The following PTPRN2 variants were observed in gnomAD, a reference collection of about 807,000 sequenced individuals.
PTPRN2 encodes protein tyrosine phosphatase receptor type N2.
Under a neutral mutation model 118.8 loss-of-function variants are expected in PTPRN2, and 74 were observed. That is an observed-to-expected ratio of 0.62 (90% confidence interval 0.52 to 0.76). The LOEUF is 0.76. PTPRN2 is among the 30% of genes least tolerant of loss of function. The pLI is 0.00. For missense variants in PTPRN2, 1,481 were observed against 1,394.4 expected (o/e 1.06, Z -0.99); for synonymous variants, 641 against 608.0 (o/e 1.05, Z -0.80).
chr7:158,250,670 GT>G (rs1204592913), intron 3 of PTPRN2, among the ~76,000 whole-genome samples: 2 of 152,254 alleles, frequency 1.3e-5, no homozygotes, highest in East Asian at 3.9e-4. Context: ...CCCCCGAATT[GT>G]TGTGGTTTCT....
chr7:158,489,524 G>T (rs1221269964), intron 2 of PTPRN2, among the ~76,000 whole-genome samples: 1 of 152,218 alleles, frequency 6.6e-6, no homozygotes, highest in Non-Finnish European at 1.5e-5. Context: ...GGGTTGGTGC[G>T]AGCGATGGGC....
chr7:157,659,180 T>C (rs1006049257), intron 13 of PTPRN2, among the ~76,000 whole-genome samples: 3 of 151,110 alleles, frequency 2.0e-5, no homozygotes. Context: ...TTCGGACTCA[T>C]AGCGAGATAC....
intron 11 of PTPRN2, among the ~76,000 whole-genome samples, chr7:157,959,518 A>G (rs1304938201): frequency 6.6e-6 from 1 of 152,240 alleles, no homozygotes; most frequent in African/African-American, 2.4e-5. Flanking sequence ...CCCAACAACA[A>G]AGAAGCAAGG....
intron 5 of PTPRN2, among the ~76,000 whole-genome samples, chr7:158,172,964 C>G (rs1402977781): frequency 1.3e-5 from 2 of 150,212 alleles, no homozygotes; most frequent in African/African-American, 4.9e-5. Context: ...AGCATCCCCA[C>G]CATCATCATC....
intron 11 of PTPRN2, among the ~76,000 whole-genome samples, chr7:157,984,791 G>A (rs941903948): frequency 1.3e-5 from 2 of 152,174 alleles, no homozygotes; most frequent in East Asian, 1.9e-4. Flanking sequence ...AAGACCTGCA[G>A]AAGCTCCCTA....
intron 12 of PTPRN2, among the ~76,000 whole-genome samples, chr7:157,829,067 C>A (rs1277486780): frequency 6.6e-6 from 1 of 152,276 alleles, no homozygotes; most frequent in Non-Finnish European, 1.5e-5. Flanking sequence ...GACACGTCTG[C>A]GATGCCAGCG....
chr7:157,645,925 G>A (rs1006253589), intron 14 of PTPRN2, among the ~76,000 whole-genome samples: 11 of 152,228 alleles, frequency 7.2e-5, no homozygotes, highest in African/African-American at 2.7e-4. Context: ...AGAAAACCAC[G>A]AGTTTAGAGC....
At chr7:157,896,096 G>A (rs1352412375) in intron 12 of PTPRN2, among the ~76,000 whole-genome samples, 3 of 151,410 alleles carry the variant, frequency 2.0e-5, no homozygotes, top group East Asian at 1.9e-4. Flanking sequence ...GAGGAGCTGG[G>A]AAGATGAAAC....
intron 3 of PTPRN2, among the ~76,000 whole-genome samples, chr7:158,223,752 C>T (rs2150800683): frequency 6.6e-6 from 1 of 152,070 alleles, no homozygotes; most frequent in East Asian, 1.9e-4. Flanking sequence ...AGACTAGGAA[C>T]AAAGCAAGGA....
rs1238160788 is a variant in PTPRN2, at chr7:157,874,858, GAC to G, written c.1788+23813_1788+23814del. On this transcript the variant is annotated intron_variant, in intron 12 of 22. Coordinates refer to ENST00000389418, the MANE Select transcript of PTPRN2 (RefSeq NM_002847.5). The surrounding 1 kb of genome is among the most constrained non-coding windows in gnomAD (Gnocchi z 5.8). ...ACACTCATGCACATATACACACGGAGACACACTCGTGCACATACACACACGGA... is the reference window on the plus strand; with the variant it reads ...ACACTCATGCACATATACACACGGAGACACTCGTGCACATACACACACGGA... Among the ~76,000 whole-genome samples the G allele has an allele frequency of 2.0e-5, 3 of 150,692 alleles. No homozygotes were observed. The highest frequency in any genetic ancestry group is 1.3e-4 in the Admixed American group (2 of 15,120).
intron 2 of PTPRN2, among the ~76,000 whole-genome samples, chr7:158,357,606 T>C (rs1467383912): frequency 6.6e-6 from 1 of 152,172 alleles, no homozygotes; most frequent in Non-Finnish European, 1.5e-5. Context: ...CAGCTGCGGG[T>C]GCTAAGAAAA....
intron 12 of PTPRN2, chr7:157,865,678 T>C (rs1009287015): frequency 6.6e-6 from 1 of 152,164 alleles, no homozygotes; most frequent in East Asian, 1.9e-4. Flanking sequence ...CACACAGCCT[T>C]ATCTGTGTTT....
At chr7:158,234,271 C>CA (rs146167117) in intron 3 of PTPRN2, among the ~76,000 whole-genome samples, 9,020 of 134,478 alleles carry the variant, frequency 0.067, 324 homozygotes, top group East Asian at 0.14. Context: ...CACTCAACAG[C>CA]AAAAAAAAAA....
chr7:158,055,446 G>T (rs371438643), intron 11 of PTPRN2, among the ~76,000 whole-genome samples: 1 of 152,158 alleles, frequency 6.6e-6, no homozygotes. Flanking sequence ...GGAGTTTAGA[G>T]AAGACTCCAC....
chr7:157,984,787 T>C (rs1803642479), intron 11 of PTPRN2, among the ~76,000 whole-genome samples: 1 of 152,158 alleles, frequency 6.6e-6, no homozygotes. Flanking sequence ...TCTAAAGACC[T>C]GCAGAAGCTC....
In PTPRN2 at chr7:157,629,186, A is replaced by G. The variant is rs1803786575; in HGVS notation, c.2197-7677T>C. Among the ~76,000 whole-genome samples, 1 of 152,110 alleles carries G rather than the reference A, an allele frequency of 6.6e-6. No homozygotes were observed. Among genetic ancestry groups the G allele is most frequent in the Non-Finnish European group, 1.5e-5 (1 of 68,010 alleles). On this transcript the variant is annotated intron_variant, in intron 14 of 22. Coordinates refer to ENST00000389418, the MANE Select transcript of PTPRN2 (RefSeq NM_002847.5). The surrounding 1 kb of genome is among the most constrained non-coding windows in gnomAD (Gnocchi z 4.4). ...TTCCATGTGAATCCCGTCCACAGGCACTGGGATCCTGGGTCAGCCAATGCT... is the reference window on the plus strand; with the variant it reads ...TTCCATGTGAATCCCGTCCACAGGCGCTGGGATCCTGGGTCAGCCAATGCT...
intron 10 of PTPRN2, among the ~76,000 whole-genome samples, chr7:158,090,335 T>C (rs909891280): frequency 5.3e-5 from 8 of 152,224 alleles, no homozygotes; most frequent in East Asian, 1.9e-4. Flanking sequence ...CATCTCCCAA[T>C]TGGGCTGGAA....
At chr7:158,170,257 C>CA (rs963757649) in intron 5 of PTPRN2, among the ~76,000 whole-genome samples, 21 of 152,310 alleles carry the variant, frequency 1.4e-4, no homozygotes, top group African/African-American at 4.8e-4. Context: ...CTCCCTCTTG[C>CA]AAAGGCTGTC....
chr7:158,109,833 TAA>T, intron 10 of PTPRN2, among the ~76,000 whole-genome samples: 1 of 146,950 alleles, frequency 6.8e-6, no homozygotes, highest in East Asian at 2.1e-4. Context: ...GTCACCCGTG[TAA>T]AGAGTCAGTG....
Sources: allele counts gnomAD v4.1 joint callset (sites outside exome capture counted in the v4.1 genomes callset), GRCh38; gene constraint gnomAD v4.1.1; non-coding constraint Gnocchi (gnomAD v3.1); transcripts MANE v1.5; gene names NCBI Gene and HGNC (gene_info 2026-07-23, HGNC 2026-07-21).